QTMAN: variants seen among roughly 807,000 people sequenced by gnomAD.
QTMAN encodes queuosine-tRNA mannosyltransferase, also known as tRNA-queuosine alpha-mannosyltransferase.
the QTMAN span, chr2:144,007,430 T>G: frequency 6.2e-7 from 1 of 1,613,280 alleles, no homozygotes; most frequent in South Asian, 1.1e-5. Flanking sequence ...CCTCTGAATC[T>G]CTCTGCTCTG....
chr2:144,169,689 T>G, the QTMAN span, among the ~76,000 whole-genome samples: 1 of 152,244 alleles, frequency 6.6e-6, no homozygotes, highest in South Asian at 2.1e-4. Flanking sequence ...TCAGTTATAT[T>G]GTGTATGTAC....
the QTMAN span, chr2:143,944,358 G>A: frequency 2.0e-5 from 3 of 151,670 alleles, no homozygotes; most frequent in Non-Finnish European, 2.9e-5. Flanking sequence ...GTCTTTATAA[G>A]GTTTTTCTTT....
chr2:143,939,254 TC>T, the QTMAN span: 1 of 152,216 alleles, frequency 6.6e-6, no homozygotes, highest in Non-Finnish European at 1.5e-5. Flanking sequence ...ATCGTTTTAG[TC>T]CAGTTGTTGT....
At chr2:144,145,473 A>G in the QTMAN span, 1 of 766,644 alleles carries the variant, frequency 1.3e-6, no homozygotes, top group East Asian at 2.5e-5. Context: ...GGTGTTTTAA[A>G]AAAAGGTGTA....
chr2:144,125,984 G>T, the QTMAN span, among the ~76,000 whole-genome samples: 1 of 152,016 alleles, frequency 6.6e-6, no homozygotes, highest in African/African-American at 2.4e-5. Context: ...ATGGAGGAAT[G>T]CCAACACGTA....
the QTMAN span, among the ~76,000 whole-genome samples, chr2:144,194,063 T>C: frequency 6.6e-6 from 1 of 152,224 alleles, no homozygotes; most frequent in South Asian, 2.1e-4. Flanking sequence ...CTATGTCATC[T>C]CTCCTACTCA....
chr2:144,046,845 C>T, the QTMAN span, among the ~76,000 whole-genome samples: 9 of 152,092 alleles, frequency 5.9e-5, no homozygotes, highest in Middle Eastern at 3.2e-3. Flanking sequence ...TGAAGATTAA[C>T]GGTACTTATG....
At chr2:143,952,139 A>T in the QTMAN span, 1 of 895,908 alleles carries the variant, frequency 1.1e-6, no homozygotes, top group East Asian at 2.4e-5. Context: ...GATATTAGTC[A>T]CTTTACTAAT....
At chr2:144,053,525 TAGTAAC>T in the QTMAN span, among the ~76,000 whole-genome samples, 3 of 152,234 alleles carry the variant, frequency 2.0e-5, no homozygotes, top group East Asian at 5.8e-4. Flanking sequence ...CTTAGAAACT[TAGTAAC>T]AGTACCTTCT....
the QTMAN span, among the ~76,000 whole-genome samples, chr2:144,248,887 C>T: frequency 2.0e-5 from 3 of 152,122 alleles, no homozygotes; most frequent in African/African-American, 7.2e-5. Flanking sequence ...ACTCCTGAAA[C>T]ATTTTGTCCT....
chr2:143,968,065 G>A, the QTMAN span, among the ~76,000 whole-genome samples: 2 of 152,126 alleles, frequency 1.3e-5, no homozygotes, highest in Admixed American at 6.5e-5. Context: ...CCAGCAAAGC[G>A]GCCTTCTAAG....
At chr2:143,953,956 A>G in the QTMAN span, among the ~76,000 whole-genome samples, 2 of 151,964 alleles carry the variant, frequency 1.3e-5, no homozygotes, top group South Asian at 4.1e-4. Flanking sequence ...TTAAATGAAA[A>G]GTATTTACTT....
At chr2:144,156,911 C>A in the QTMAN span, among the ~76,000 whole-genome samples, 1 of 152,154 alleles carries the variant, frequency 6.6e-6, no homozygotes, top group East Asian at 1.9e-4. Flanking sequence ...CTAGGCCACA[C>A]TTCTTTACCA....
chr2:144,058,115 C>T, the QTMAN span, among the ~76,000 whole-genome samples: 1 of 127,830 alleles, frequency 7.8e-6, no homozygotes, highest in Admixed American at 8.1e-5. Flanking sequence ...GAAAGAACCC[C>T]CCTCCCCCAC....
the QTMAN span, among the ~76,000 whole-genome samples, chr2:144,182,381 C>CTT: frequency 8.6e-5 from 13 of 152,032 alleles, no homozygotes; most frequent in African/African-American, 2.9e-4. Flanking sequence ...TGGCTCAAGC[C>CTT]TGTAATCCCA....
At chr2:144,240,305 G>A in the QTMAN span, among the ~76,000 whole-genome samples, 4 of 152,148 alleles carry the variant, frequency 2.6e-5, no homozygotes, top group African/African-American at 9.7e-5. Context: ...ATGAAATTAT[G>A]TGGTATTTTG....
At chr2:144,022,560 CTTTTT>C in the QTMAN span, among the ~76,000 whole-genome samples, 1 of 104,242 alleles carries the variant, frequency 9.6e-6, no homozygotes, top group African/African-American at 4.3e-5. Context: ...CTCTCTCTCT[CTTTTT>C]TTTTTTTTTT....
At chr2:144,065,487 C>T in the QTMAN span, among the ~76,000 whole-genome samples, 1 of 152,168 alleles carries the variant, frequency 6.6e-6, no homozygotes, top group Non-Finnish European at 1.5e-5. Context: ...TCTGCTGCTC[C>T]TTCTTGCAAA....
the QTMAN span, among the ~76,000 whole-genome samples, chr2:144,185,023 ACTT>A: frequency 2.2e-3 from 335 of 152,244 alleles, 6 homozygotes; most frequent in South Asian, 0.019. Flanking sequence ...TTTCCTGACC[ACTT>A]CTTAATTTGA....
Sources: allele counts gnomAD v4.1 joint callset (sites outside exome capture counted in the v4.1 genomes callset), GRCh38; gene constraint gnomAD v4.1.1; transcripts MANE v1.5; gene names NCBI Gene and HGNC (gene_info 2026-07-23, HGNC 2026-07-21).